The following PDE1C variants were observed in gnomAD, a reference collection of about 807,000 sequenced individuals.
PDE1C encodes the protein dual specificity calcium/calmodulin-dependent 3',5'-cyclic nucleotide phosphodiesterase 1C.
PDE1C carries 62 observed loss-of-function variants against 93.1 expected under a neutral mutation model. The observed-to-expected ratio is 0.67, with a 90% CI of 0.54 to 0.82. The LOEUF (loss-of-function observed/expected upper bound fraction) is 0.82. Ranked by LOEUF, PDE1C falls within the 40% of genes least tolerant of loss-of-function variation. PDE1C has a pLI of 0.00. For synonymous variants in PDE1C, 325 were observed against 310.1 expected, an observed-to-expected ratio of 1.05 and a Z score of -0.50; for missense variants, 742 against 884.6, an observed-to-expected ratio of 0.84 and a Z score of 2.04.
chr7:32,024,091 G>A (rs1789081189), intron 2 of PDE1C, among the ~76,000 whole-genome samples: 1 of 152,022 alleles, frequency 6.6e-6, no homozygotes, highest in African/African-American at 2.4e-5. Flanking sequence ...AATATATGTA[G>A]TCAATTTATA....
intron 16 of PDE1C, among the ~76,000 whole-genome samples, chr7:31,803,897 C>T (rs1168938845): frequency 6.6e-6 from 1 of 151,926 alleles, no homozygotes; most frequent in Non-Finnish European, 1.5e-5. Context: ...ATTTATAATC[C>T]TTTGGGTATA....
intron 1 of PDE1C, among the ~76,000 whole-genome samples, chr7:32,325,103 T>C (rs1023085367): frequency 6.6e-6 from 1 of 152,208 alleles, no homozygotes; most frequent in African/African-American, 2.4e-5. Context: ...AATAATACGT[T>C]CATCAAAGTT....
chr7:31,872,471 G>A (rs543124776), intron 6 of PDE1C, among the ~76,000 whole-genome samples: 14 of 152,164 alleles, frequency 9.2e-5, no homozygotes, highest in South Asian at 2.1e-4. Context: ...TAGTCTATGC[G>A]TGTAACAAAA....
At chr7:31,637,446 G>A in the PDE1C span, among the ~76,000 whole-genome samples, 20 of 152,112 alleles carry the variant, frequency 1.3e-4, no homozygotes, top group African/African-American at 4.3e-4. Flanking sequence ...GTGTGAGATG[G>A]TATCTCATTG....
At chr7:31,872,757 T>G (rs1796098892) in intron 6 of PDE1C, among the ~76,000 whole-genome samples, 1 of 152,130 alleles carries the variant, frequency 6.6e-6, no homozygotes, top group African/African-American at 2.4e-5. Flanking sequence ...TGTAGGGAGT[T>G]GAACACTGGA....
At chr7:32,184,362 G>A (rs1001320447) in intron 2 of PDE1C, among the ~76,000 whole-genome samples, 29 of 152,168 alleles carry the variant, frequency 1.9e-4, no homozygotes, top group African/African-American at 6.3e-4. Context: ...TATGTTTATT[G>A]CATCACTATT....
At chr7:32,209,649 A>G (rs1253941005) in intron 1 of PDE1C, 2 of 905,006 alleles carry the variant, frequency 2.2e-6, no homozygotes, top group Non-Finnish European at 1.6e-6. Flanking sequence ...TGTATTTAAG[A>G]GTCTTTGTAA....
At chr7:32,378,938 A>G (rs1238837961) in intron 1 of PDE1C, among the ~76,000 whole-genome samples, 1 of 152,232 alleles carries the variant, frequency 6.6e-6, no homozygotes, top group African/African-American at 2.4e-5. Context: ...TGGTGCAGCC[A>G]GCAGGAATAA....
intron 3 of PDE1C, among the ~76,000 whole-genome samples, chr7:32,161,543 A>G (rs1801919121): frequency 6.8e-6 from 1 of 147,248 alleles, no homozygotes; most frequent in South Asian, 2.1e-4. Flanking sequence ...ACTGACCCCC[A>G]GGGGTAGTTT....
upstream of PDE1C, among the ~76,000 whole-genome samples, chr7:32,075,323 GTC>G (rs1393562091): frequency 7.0e-4 from 107 of 152,164 alleles, 2 homozygotes; most frequent in Admixed American, 6.9e-3. Context: ...CATGAAGAGA[GTC>G]TGTTGAGGGG....
rs933796264 is a variant in PDE1C, at chr7:32,326,087, T to C, written c.310+101735A>G. Among the ~76,000 whole-genome samples the C allele has an allele frequency of 5.9e-5, 9 of 151,918 alleles. No homozygotes were observed. In the South Asian group the frequency reaches 6.2e-4, roughly 10 times the overall value. On this transcript the variant is annotated intron_variant, in intron 1 of 1. Transcript: ENST00000672256. ...AAAAAGGAATCAAGGATGACTTCAATGTTTTTGGCCTGAGAAAGAAGGATG... is the reference window on the plus strand; with the variant it reads ...AAAAAGGAATCAAGGATGACTTCAACGTTTTTGGCCTGAGAAAGAAGGATG...
At chr7:31,667,250 A>G in the PDE1C span, among the ~76,000 whole-genome samples, 148,435 of 152,202 alleles carry the variant, frequency 0.98, 72,388 homozygotes, top group East Asian at 1. Context: ...CCAGAATCTG[A>G]GGTGACAGTG....
intron 2 of PDE1C, among the ~76,000 whole-genome samples, chr7:32,180,712 G>T (rs145850121): frequency 6.6e-6 from 1 of 152,180 alleles, no homozygotes; most frequent in African/African-American, 2.4e-5. Flanking sequence ...CACAAATGGC[G>T]TAAGACACTT....
intron 2 of PDE1C, among the ~76,000 whole-genome samples, chr7:31,993,120 T>C (rs1161963759): frequency 6.6e-6 from 1 of 152,220 alleles, no homozygotes; most frequent in East Asian, 1.9e-4. Context: ...CAACATGTAC[T>C]GTTAAGATTT....
chr7:32,256,691 T>C (rs1025916657), intron 1 of PDE1C, among the ~76,000 whole-genome samples: 2 of 152,206 alleles, frequency 1.3e-5, no homozygotes, highest in African/African-American at 4.8e-5. Context: ...AATTACTGAA[T>C]AGAGAGTAAT....
chr7:31,984,966 C>T (rs908693392), intron 2 of PDE1C, among the ~76,000 whole-genome samples: 6 of 152,286 alleles, frequency 3.9e-5, no homozygotes, highest in South Asian at 2.1e-4. Flanking sequence ...ACCTCCTACC[C>T]TAGGTCCATG....
At chr7:31,634,598 C>G in the PDE1C span, among the ~76,000 whole-genome samples, 1 of 152,094 alleles carries the variant, frequency 6.6e-6, no homozygotes, top group African/African-American at 2.4e-5. Context: ...AGCATGGAGC[C>G]TAACTAGATT....
chr7:31,850,910 G>C, intron 7 of PDE1C, 169 bp from the exon 8 acceptor site: 1 of 594,952 alleles, frequency 1.7e-6, no homozygotes, highest in Admixed American at 2.7e-5. Context: ...AAGAGACTTG[G>C]AGACTTGTGA....
intron 1 of PDE1C, among the ~76,000 whole-genome samples, chr7:32,350,592 T>A (rs867872849): frequency 2.9e-4 from 5 of 17,036 alleles, no homozygotes; most frequent in African/African-American, 6.0e-4. Flanking sequence ...ATATATATAT[T>A]TTTTTTTTTT....
Sources: gnomAD v4.1 joint callset for allele counts (sites outside exome capture counted in the v4.1 genomes callset) on GRCh38, gnomAD v4.1.1 for gene constraint, MANE v1.5 for transcripts, NCBI Gene and HGNC (gene_info 2026-07-23, HGNC 2026-07-21) for gene names.